The following XIRP2 variants were observed in gnomAD, a reference collection of about 807,000 sequenced individuals.
XIRP2 encodes xin actin-binding repeat-containing protein 2.
Under a neutral mutation model 277.0 loss-of-function variants are expected in XIRP2, and 236 were observed. The ratio of observed to expected loss-of-function variants is 0.85; its 90% CI spans 0.77 to 0.95. The LOEUF (loss-of-function observed/expected upper bound fraction) is 0.95. Among genes scored for constraint, XIRP2 ranks in the 40% least tolerant of loss-of-function variants. The pLI is 0.00. For missense variants in XIRP2, 4,640 were observed against 4,157.5 expected (o/e 1.12, Z -3.19); for synonymous variants, 1,490 against 1,416.5 (o/e 1.05, Z -1.17).
At chr2:167,241,956 G>C in intron 8 of XIRP2, 46 bp downstream of exon 8, 1 of 1,517,696 alleles carries the variant, frequency 6.6e-7, no homozygotes, top group Non-Finnish European at 8.8e-7. Flanking sequence ...GTAAGACCAA[G>C]CTTAAATGTG....
At position 167,204,429 on chromosome 2, in the gene XIRP2, T is replaced by C. The variant is rs561325850; in HGVS notation, c.563-6306T>C. ...TTGAACAACTGTCCTTCTTAATAGGTAGCATCAGAATTGGAGTTGTCACAG... is the reference window on the plus strand; with the variant it reads ...TTGAACAACTGTCCTTCTTAATAGGCAGCATCAGAATTGGAGTTGTCACAG... On this transcript the variant is annotated intron_variant, in intron 3 of 10. Transcript: ENST00000409195. Among the ~76,000 whole-genome samples, 5 of 152,308 alleles carry C rather than the reference T, an allele frequency of 3.3e-5. No homozygotes were observed. In the East Asian group the frequency reaches 9.7e-4, roughly 29 times the overall value.
intron 3 of XIRP2, among the ~76,000 whole-genome samples, chr2:167,179,352 TC>T (rs977332607): frequency 2.1e-5 from 3 of 145,132 alleles, no homozygotes; most frequent in African/African-American, 7.7e-5. Flanking sequence ...ACAAAGTCTC[TC>T]CCTGTTGCCC....
chr2:167,176,093 C>A (rs932609910), intron 3 of XIRP2, among the ~76,000 whole-genome samples: 2 of 152,136 alleles, frequency 1.3e-5, no homozygotes, highest in Admixed American at 6.5e-5. Context: ...CCACTTGGCT[C>A]CCTGGCTTCA....
At chr2:166,895,234 A>G (rs1012301565) in intron 1 of XIRP2, among the ~76,000 whole-genome samples, 13 of 152,198 alleles carry the variant, frequency 8.5e-5, no homozygotes, top group Non-Finnish European at 1.9e-4. Context: ...CATTTTTATT[A>G]AAATGTCCAC....
chr2:167,067,102 C>T, intron 2 of XIRP2, among the ~76,000 whole-genome samples: 1 of 151,926 alleles, frequency 6.6e-6, no homozygotes, highest in South Asian at 2.1e-4. Context: ...TATTTTTAGC[C>T]ATTGGTTCTT....
At chr2:167,012,315 T>G (rs1219383704) in intron 2 of XIRP2, among the ~76,000 whole-genome samples, 2 of 151,930 alleles carry the variant, frequency 1.3e-5, no homozygotes, top group Non-Finnish European at 2.9e-5. Context: ...CACTTCGTTA[T>G]GTACCCTTTT....
rs538379700 is a variant in XIRP2 at position 167,257,989 on chromosome 2, C to T, written c.*172C>T. On this transcript the variant is annotated 3_prime_UTR_variant, in exon 11 of 11. Transcript: ENST00000409195. Reference sequence around the variant, plus strand: ...ATAAAGATAGATGGAACTGCAAAAACCAAAGCAGATCAGTGGACTTTATTC... The same window carrying T: ...ATAAAGATAGATGGAACTGCAAAAATCAAAGCAGATCAGTGGACTTTATTC... 8.7e-6 allele frequency: 14 copies of T among 1,613,036 alleles called. No homozygotes were observed. In the South Asian group the frequency reaches 1.4e-4, roughly 16 times the overall value.
At chr2:166,911,538 C>A (rs1264704719) in intron 2 of XIRP2, among the ~76,000 whole-genome samples, 12 of 152,186 alleles carry the variant, frequency 7.9e-5, no homozygotes. Flanking sequence ...AATACAGCAA[C>A]CTGATGGGTC....
intron 2 of XIRP2, among the ~76,000 whole-genome samples, chr2:166,915,266 C>G (rs1016629774): frequency 1.9e-4 from 26 of 135,110 alleles, no homozygotes; most frequent in African/African-American, 6.8e-4. Flanking sequence ...TGCCACTGCA[C>G]TCCAGCCTGG....
chr2:167,026,911 G>A (rs1036790953), intron 2 of XIRP2, among the ~76,000 whole-genome samples: 2 of 152,010 alleles, frequency 1.3e-5, no homozygotes, highest in Non-Finnish European at 2.9e-5. Flanking sequence ...TGGGTAACCC[G>A]ACCTTCTCTC....
intron 2 of XIRP2, among the ~76,000 whole-genome samples, chr2:167,031,068 T>C (rs1395172022): frequency 1.3e-5 from 2 of 152,028 alleles, no homozygotes; most frequent in East Asian, 3.9e-4. Context: ...TCCATCCCTT[T>C]ATTTTGAGAT....
At chr2:167,016,998 G>C (rs1334458007) in intron 2 of XIRP2, among the ~76,000 whole-genome samples, 1 of 151,946 alleles carries the variant, frequency 6.6e-6, no homozygotes, top group African/African-American at 2.4e-5. Context: ...GTAGCAGCTT[G>C]GTCTGGGTGT....
chr2:166,980,848 T>C (rs1686847336), intron 2 of XIRP2, among the ~76,000 whole-genome samples: 1 of 152,192 alleles, frequency 6.6e-6, no homozygotes, highest in Non-Finnish European at 1.5e-5. Context: ...TTCTTTAGGA[T>C]TAATTGAAAA....
At chr2:167,214,748 T>C (rs1445939915) in intron 4 of XIRP2, among the ~76,000 whole-genome samples, 2 of 151,984 alleles carry the variant, frequency 1.3e-5, no homozygotes, top group Non-Finnish European at 2.9e-5. Context: ...TGTATTTTTT[T>C]AGTAGAGACG....
intron 2 of XIRP2, among the ~76,000 whole-genome samples, chr2:167,061,962 T>C (rs1689183757): frequency 6.6e-6 from 1 of 152,244 alleles, no homozygotes; most frequent in Admixed American, 6.5e-5. Flanking sequence ...ACAAAACTAA[T>C]ACACTCAGTT....
chr2:167,075,115 T>C (rs778102131), intron 2 of XIRP2, among the ~76,000 whole-genome samples: 6 of 152,238 alleles, frequency 3.9e-5, no homozygotes, highest in Non-Finnish European at 8.8e-5. Context: ...ATAAATCTCA[T>C]TAATCATTTT....
chr2:167,220,566 C>T (rs1694391831), intron 5 of XIRP2, among the ~76,000 whole-genome samples: 1 of 152,206 alleles, frequency 6.6e-6, no homozygotes, highest in African/African-American at 2.4e-5. Flanking sequence ...ATCACTTCCA[C>T]TGCGTTGGCC....
intron 2 of XIRP2, among the ~76,000 whole-genome samples, chr2:167,050,087 T>C (rs905949308): frequency 5.9e-5 from 9 of 152,072 alleles, no homozygotes; most frequent in Non-Finnish European, 1.2e-4. Context: ...GCATCTGTCT[T>C]ATCCATGTGG....
intron 2 of XIRP2, among the ~76,000 whole-genome samples, chr2:167,011,452 T>A (rs1422809641): frequency 2.0e-5 from 3 of 151,378 alleles, no homozygotes; most frequent in Admixed American, 6.6e-5. Context: ...AGGTTTTTGA[T>A]GTGCTGCTGG....
Sources: gnomAD v4.1 joint callset for allele counts (sites outside exome capture counted in the v4.1 genomes callset) on GRCh38, gnomAD v4.1.1 for gene constraint, MANE v1.5 for transcripts, NCBI Gene and HGNC (gene_info 2026-07-23, HGNC 2026-07-21) for gene names.